The following NCKAP5 variants were observed in gnomAD, a reference collection of about 807,000 sequenced individuals.
NCKAP5 encodes the protein nck-associated protein 5.
NCKAP5 carries 92 observed loss-of-function variants against 167.0 expected under a neutral mutation model. That is an observed-to-expected ratio of 0.55 (90% CI 0.47 to 0.66). The LOEUF is 0.66. Among genes scored for constraint, NCKAP5 ranks in the 30% least tolerant of loss-of-function variants. The pLI, the probability that NCKAP5 is intolerant of heterozygous loss-of-function variation, is 0.00. For synonymous variants in NCKAP5, 891 were observed against 877.4 expected, an observed-to-expected ratio of 1.02 and a Z score of -0.27; for missense variants, 2,378 against 2,315.0, an observed-to-expected ratio of 1.03 and a Z score of -0.56.
At chr2:132,698,044 T>G (rs1030495389) in intron 19 of NCKAP5, among the ~76,000 whole-genome samples, 1 of 152,234 alleles carries the variant, frequency 6.6e-6, no homozygotes, top group Non-Finnish European at 1.5e-5. Flanking sequence ...ACTCACTGCT[T>G]ACTTCTGCGC....
intron 5 of NCKAP5, among the ~76,000 whole-genome samples, chr2:133,198,261 A>C (rs2085526008): frequency 6.6e-6 from 1 of 152,186 alleles, no homozygotes; most frequent in African/African-American, 2.4e-5. Context: ...TGAAGAAATA[A>C]TTTGGTGAAA....
chr2:133,194,080 G>A (rs761164328), intron 5 of NCKAP5, among the ~76,000 whole-genome samples: 3 of 151,900 alleles, frequency 2.0e-5, no homozygotes, highest in East Asian at 1.9e-4. Context: ...ATATACACCC[G>A]CATATATGAT....
chr2:133,353,002 G>A (rs1438395111), intron 3 of NCKAP5, among the ~76,000 whole-genome samples: 2 of 152,202 alleles, frequency 1.3e-5, no homozygotes, highest in African/African-American at 4.8e-5. Flanking sequence ...AGCTTGTCTT[G>A]TTAGAAGCTG....
intron 7 of NCKAP5, among the ~76,000 whole-genome samples, chr2:132,985,853 T>C (rs2077272726): frequency 6.6e-6 from 1 of 152,212 alleles, no homozygotes; most frequent in Non-Finnish European, 1.5e-5. Context: ...CTTCTCAAGA[T>C]TATAGGCCAC....
chr2:133,548,552 G>T (rs1686966635), intron 2 of NCKAP5, among the ~76,000 whole-genome samples: 1 of 151,882 alleles, frequency 6.6e-6, no homozygotes, highest in African/African-American at 2.4e-5. Flanking sequence ...CTACAAGCCA[G>T]AACAGAGTGG....
chr2:133,550,038 C>G (rs1238835075), intron 2 of NCKAP5, among the ~76,000 whole-genome samples: 3 of 151,186 alleles, frequency 2.0e-5, no homozygotes, highest in African/African-American at 7.4e-5. Context: ...TCTCCCAAGA[C>G]TAAACCAGGA....
At chr2:133,254,129 G>A (rs565932970) in intron 4 of NCKAP5, among the ~76,000 whole-genome samples, 4 of 152,254 alleles carry the variant, frequency 2.6e-5, no homozygotes, top group African/African-American at 9.6e-5. Context: ...ATGACCTGGT[G>A]TAATCTCCTC....
intron 8 of NCKAP5, among the ~76,000 whole-genome samples, chr2:132,919,668 G>C (rs530316070): frequency 2.0e-5 from 3 of 151,416 alleles, no homozygotes; most frequent in African/African-American, 7.3e-5. Flanking sequence ...AGAGACAAAG[G>C]GCAGAAGAAA....
intron 5 of NCKAP5, among the ~76,000 whole-genome samples, chr2:133,200,057 C>CTT (rs1393485594): frequency 1.5e-5 from 1 of 64,734 alleles, no homozygotes; most frequent in Non-Finnish European, 3.3e-5. Flanking sequence ...CTTTTTTTTT[C>CTT]TTTCTTTTTT....
At chr2:132,852,495 G>T (rs1359749791) in intron 11 of NCKAP5, among the ~76,000 whole-genome samples, 3 of 152,160 alleles carry the variant, frequency 2.0e-5, no homozygotes. Flanking sequence ...TGTTGTTGAA[G>T]GTCACAGTGA....
At chr2:132,900,427 T>A (rs1693528331) in intron 8 of NCKAP5, among the ~76,000 whole-genome samples, 1 of 152,176 alleles carries the variant, frequency 6.6e-6, no homozygotes, top group African/African-American at 2.4e-5. Context: ...TAGACATGGC[T>A]AAATGTCCTG....
intron 11 of NCKAP5, among the ~76,000 whole-genome samples, chr2:132,819,610 C>T (rs371014023): frequency 4.2e-4 from 63 of 151,034 alleles, no homozygotes; most frequent in East Asian, 1.2e-3. Flanking sequence ...CTAGGGAGCA[C>T]GGATGAGGAT....
rs183751971 is a variant in NCKAP5 at position 133,090,121 on chromosome 2, C to T, written c.341+39857G>A. On this transcript the variant is annotated intron_variant, in intron 6 of 19. Transcript: ENST00000409261. ...GTGTCTCATGCCTGTAATCCCAACA[C>T]TTTCGGAGGCCAACGTGGGAGGATC... Among the ~76,000 whole-genome samples the T allele has an allele frequency of 2.7e-4, 41 of 151,818 alleles. No individual in the cohort carries two copies. The East Asian group carries it at 7.4e-3, about 27-fold the overall frequency.
At chr2:133,448,451 C>A (rs1182373422) in intron 3 of NCKAP5, among the ~76,000 whole-genome samples, 1 of 152,124 alleles carries the variant, frequency 6.6e-6, no homozygotes, top group East Asian at 1.9e-4. Flanking sequence ...TTACCCTGAG[C>A]AGTCAAGAGG....
At chr2:133,517,970 A>G (rs1012034009) in intron 2 of NCKAP5, among the ~76,000 whole-genome samples, 1 of 152,236 alleles carries the variant, frequency 6.6e-6, no homozygotes, top group Non-Finnish European at 1.5e-5. Flanking sequence ...TCAAACCGAC[A>G]AAACCACGCT....
intron 10 of NCKAP5, among the ~76,000 whole-genome samples, chr2:132,868,365 A>C (rs997754573): frequency 1.3e-5 from 2 of 152,182 alleles, no homozygotes; most frequent in African/African-American, 4.8e-5. Context: ...CAGAATGGCA[A>C]GGCAGCAAAC....
At chr2:133,114,304 T>C (rs895336427) in intron 6 of NCKAP5, among the ~76,000 whole-genome samples, 1 of 152,162 alleles carries the variant, frequency 6.6e-6, no homozygotes, top group Non-Finnish European at 1.5e-5. Context: ...TCTGCAAAAG[T>C]AAAGGTTCCA....
chr2:133,673,467 C>G, the NCKAP5 span, among the ~76,000 whole-genome samples: 3 of 152,194 alleles, frequency 2.0e-5, no homozygotes, highest in Admixed American at 2.0e-4. Flanking sequence ...AAGCACACAG[C>G]AGAAAGCCTA....
intron 3 of NCKAP5, among the ~76,000 whole-genome samples, chr2:133,491,322 G>GCCAC (rs1681418841): frequency 6.6e-6 from 1 of 152,188 alleles, no homozygotes; most frequent in Non-Finnish European, 1.5e-5. Context: ...AGGAAGTGGG[G>GCCAC]TTCTTGATGG....
Sources: gnomAD v4.1 joint callset for allele counts (sites outside exome capture counted in the v4.1 genomes callset) on GRCh38, gnomAD v4.1.1 for gene constraint, MANE v1.5 for transcripts, NCBI Gene and HGNC (gene_info 2026-07-23, HGNC 2026-07-21) for gene names.